The following LARGE1 variants were observed in gnomAD, a reference collection of about 807,000 sequenced individuals.
LARGE1 encodes the protein xylosyl- and glucuronyltransferase LARGE1.
A neutral mutation model predicts 87.6 loss-of-function variants in LARGE1; 43 were observed. That is an observed-to-expected ratio of 0.49 (90% CI 0.38 to 0.63). LARGE1 has a LOEUF of 0.63. Among genes scored for constraint, LARGE1 ranks in the 30% least tolerant of loss-of-function variants. LARGE1 has a pLI of 0.00. For synonymous variants in LARGE1, 434 were observed against 394.6 expected, an observed-to-expected ratio of 1.10 and a Z score of -1.18; for missense variants, 802 against 1,000.2, an observed-to-expected ratio of 0.80 and a Z score of 2.67.
intron 1 of LARGE1, among the ~76,000 whole-genome samples, chr22:33,810,038 A>G (rs2086444564): frequency 6.6e-6 from 1 of 152,222 alleles, no homozygotes; most frequent in African/African-American, 2.4e-5. Context: ...CAGAAAAAAA[A>G]CTACAGTAGT....
chr22:33,618,824 G>A (rs558860329), intron 4 of LARGE1, among the ~76,000 whole-genome samples: 1 of 152,262 alleles, frequency 6.6e-6, no homozygotes, highest in African/African-American at 2.4e-5. Flanking sequence ...CTTCCTGTTT[G>A]GTGTGATTTC....
chr22:33,088,048 C>T, the LARGE1 span, among the ~76,000 whole-genome samples: 2 of 148,324 alleles, frequency 1.3e-5, no homozygotes, highest in Non-Finnish European at 3.0e-5. Flanking sequence ...ACAGCACAGG[C>T]CTAACACACA....
chr22:33,587,793 A>G (rs1298091689), intron 5 of LARGE1, among the ~76,000 whole-genome samples: 2 of 150,774 alleles, frequency 1.3e-5, no homozygotes, highest in Admixed American at 6.6e-5. Flanking sequence ...TTAGACCAAC[A>G]TTTTCATATT....
At chr22:33,095,415 T>C in the LARGE1 span, among the ~76,000 whole-genome samples, 1 of 152,226 alleles carries the variant, frequency 6.6e-6, no homozygotes, top group Non-Finnish European at 1.5e-5. Flanking sequence ...ATTTCTCTTA[T>C]AAAGACACTA....
intron 6 of LARGE1, among the ~76,000 whole-genome samples, chr22:33,542,489 G>A (rs2077240896): frequency 6.6e-6 from 1 of 151,478 alleles, no homozygotes; most frequent in African/African-American, 2.4e-5. Context: ...GGAACAGAAG[G>A]GAGAAAAATA....
chr22:33,356,253 CA>C (rs1274714363), intron 9 of LARGE1, among the ~76,000 whole-genome samples: 1 of 152,124 alleles, frequency 6.6e-6, no homozygotes, highest in Non-Finnish European at 1.5e-5. Flanking sequence ...CAAAAGAGTT[CA>C]GTTCTGAAAA....
At chr22:33,761,668 C>A (rs567811011) in intron 1 of LARGE1, 110 bp from the exon 2 acceptor site, 2 of 624,788 alleles carry the variant, frequency 3.2e-6, no homozygotes, top group Middle Eastern at 4.3e-4. Context: ...CTGATCTAGG[C>A]TTCCTGCTAA....
rs1045751028 is a variant in LARGE1 at position 33,642,000 on chromosome 22, G to C, written c.408+8367C>G. On this transcript the variant is annotated intron_variant, in intron 3 of 14. Transcript: ENST00000397394. The stretch of plus-strand genomic sequence containing the variant: ...AGAACTTCCCCAACCTAGCAAGACA[G>C]GCTAACATTCAAATTCAGGAAATAC... Among the ~76,000 whole-genome samples the C allele has an allele frequency of 1.4e-4, 22 of 152,192 alleles. No homozygotes were observed. The East Asian group carries it at 4.1e-3, about 28-fold the overall frequency.
intron 6 of LARGE1, among the ~76,000 whole-genome samples, chr22:33,491,190 ATTG>A (rs1272820060): frequency 6.6e-6 from 1 of 152,182 alleles, no homozygotes; most frequent in Non-Finnish European, 1.5e-5. Flanking sequence ...TGTTAATAGT[ATTG>A]TTGTTCTATG....
the LARGE1 span, among the ~76,000 whole-genome samples, chr22:33,120,368 T>C: frequency 3.9e-5 from 3 of 77,106 alleles, no homozygotes; most frequent in South Asian, 4.5e-4. Context: ...TTTTCTTTCT[T>C]TCTTTCTTTC....
At chr22:33,818,070 G>A (rs1280827894) in intron 1 of LARGE1, among the ~76,000 whole-genome samples, 1 of 152,138 alleles carries the variant, frequency 6.6e-6, no homozygotes, top group Non-Finnish European at 1.5e-5. Context: ...CAGGTTCTAT[G>A]CTTTAGTTTC....
rs1476069353 is a variant in LARGE1, at chr22:33,272,609, TTACA to T, written c.*1814_*1817del. ...TTGTATGCTCTGTCTACATATATAT[TTACA>T]TACATACATAAGCCTAGCTAGATCT... On this transcript the variant is annotated 3_prime_UTR_variant, in exon 15 of 15. Coordinates refer to ENST00000397394, the MANE Select transcript of LARGE1 (RefSeq NM_133642.5). Among the ~76,000 whole-genome samples, 1 of 152,230 alleles carries T rather than the reference TTACA, an allele frequency of 6.6e-6. No homozygotes were observed. Among genetic ancestry groups the T allele is most frequent in the Non-Finnish European group, 1.5e-5 (1 of 68,054 alleles).
At chr22:33,290,776 C>T (rs554360795) in intron 12 of LARGE1, among the ~76,000 whole-genome samples, 4 of 152,224 alleles carry the variant, frequency 2.6e-5, no homozygotes, top group Admixed American at 6.5e-5. Flanking sequence ...CGGTGGCTCA[C>T]GCCTGTAATC....
At chr22:33,158,813 A>G (rs551448728), downstream of LARGE1, among the ~76,000 whole-genome samples, 4 of 152,210 alleles carry the variant, frequency 2.6e-5, no homozygotes, top group African/African-American at 9.6e-5. Context: ...TAGTTCTTCA[A>G]TCAGATATGG....
intron 13 of LARGE1, 118 bp from the exon 14 acceptor site, chr22:33,277,373 T>C (rs1929538218): frequency 1.1e-6 from 1 of 947,866 alleles, no homozygotes; most frequent in East Asian, 2.6e-5. Flanking sequence ...AGTTGAACTG[T>C]CTCCCTCCCA....
intron 6 of LARGE1, among the ~76,000 whole-genome samples, chr22:33,517,426 C>T (rs113764618): frequency 1.2e-4 from 18 of 152,252 alleles, no homozygotes; most frequent in East Asian, 5.8e-4. Context: ...GAGACAGTCT[C>T]GCTCTGTTGC....
intron 1 of LARGE1, chr22:33,873,458 CGCT>C (rs1197935495): frequency 6.6e-6 from 1 of 152,316 alleles, no homozygotes; most frequent in Non-Finnish European, 1.5e-5. Context: ...AAGGCCGTGT[CGCT>C]CCTGGGGCCT....
intron 4 of LARGE1, among the ~76,000 whole-genome samples, chr22:33,612,521 T>C (rs1363817445): frequency 1.3e-5 from 2 of 152,178 alleles, no homozygotes; most frequent in East Asian, 1.9e-4. Context: ...ACCAATCCCC[T>C]CTATATACCA....
At chr22:33,906,623 C>A (rs914457931) in intron 1 of LARGE1, among the ~76,000 whole-genome samples, 1 of 152,150 alleles carries the variant, frequency 6.6e-6, no homozygotes, top group Non-Finnish European at 1.5e-5. Context: ...TCATTGGCTG[C>A]CATCTCTCTT....
Sources: allele counts gnomAD v4.1 joint callset (sites outside exome capture counted in the v4.1 genomes callset), GRCh38; gene constraint gnomAD v4.1.1; transcripts MANE v1.5; gene names NCBI Gene and HGNC (gene_info 2026-07-23, HGNC 2026-07-21).